Variants in IQGAP2 observed in about 807,000 individuals in gnomAD.
IQGAP2 encodes ras GTPase-activating-like protein IQGAP2.
IQGAP2 carries 173 observed loss-of-function variants against 201.3 expected under a neutral mutation model. That is an observed-to-expected ratio of 0.86 (90% confidence interval 0.76 to 0.98). The LOEUF (loss-of-function observed/expected upper bound fraction) is 0.98. Among genes scored for constraint, IQGAP2 ranks in the 50% least tolerant of loss-of-function variants. The probability of loss-of-function intolerance (pLI) is 0.00; values close to 1 mark genes in which losing one functional copy is unlikely to be tolerated. For missense variants in IQGAP2, 1,687 were observed against 1,864.8 expected, an observed-to-expected ratio of 0.90 and a Z score of 1.76; for synonymous variants, 675 against 673.9, an observed-to-expected ratio of 1.00 and a Z score of -0.03.
intron 1 of IQGAP2, among the ~76,000 whole-genome samples, chr5:76,440,980 G>A (rs1361608885): frequency 1.3e-5 from 2 of 150,144 alleles, no homozygotes; most frequent in African/African-American, 2.5e-5. Context: ...GCAGTGAGCC[G>A]AGTTCGTACC....
chr5:76,624,122 A>C (rs1750002272), intron 13 of IQGAP2, among the ~76,000 whole-genome samples: 2 of 152,140 alleles, frequency 1.3e-5, no homozygotes, highest in African/African-American at 4.8e-5. Context: ...AGATATTTTT[A>C]ATAGTGGTAA....
chr5:76,441,539 T>C, intron 1 of IQGAP2: 2 of 984,150 alleles, frequency 2.0e-6, no homozygotes, highest in Non-Finnish European at 2.4e-6. Context: ...ACAACTGTAA[T>C]AATGCTACTT....
intron 1 of IQGAP2, among the ~76,000 whole-genome samples, chr5:76,414,054 T>C (rs1014394729): frequency 2.6e-5 from 4 of 152,324 alleles, no homozygotes; most frequent in Admixed American, 2.0e-4. Flanking sequence ...ACTGGAATGT[T>C]GAAGCCATTA....
chr5:76,567,833 A>G (rs1173918223), intron 3 of IQGAP2, among the ~76,000 whole-genome samples: 1 of 152,196 alleles, frequency 6.6e-6, no homozygotes, highest in Non-Finnish European at 1.5e-5. Flanking sequence ...TTCCTCATCT[A>G]TGCAGTTTAA....
chr5:76,461,428 TTCTC>T (rs1754449882), intron 1 of IQGAP2, 138 bp from the exon 2 acceptor site: 1 of 526,082 alleles, frequency 1.9e-6, no homozygotes, highest in Non-Finnish European at 3.3e-6. Context: ...AAAGGCAAAT[TTCTC>T]TCTCTGCCTG....
At chr5:76,673,910 CT>C (rs750180828) in intron 25 of IQGAP2, 41 bp from the exon 26 acceptor site, 14 of 1,206,950 alleles carry the variant, frequency 1.2e-5, no homozygotes, top group Non-Finnish European at 1.7e-5. Context: ...CTCACTCCGC[CT>C]TTTTTCCATT....
intron 2 of IQGAP2, among the ~76,000 whole-genome samples, chr5:76,481,576 G>T (rs1317223558): frequency 1.3e-5 from 2 of 151,860 alleles, no homozygotes; most frequent in South Asian, 2.1e-4. Context: ...TAGAGACAGG[G>T]TTTCACCATT....
chr5:76,665,639 A>G lies in IQGAP2; in HGVS notation c.2679+464A>G, dbSNP rs562921105. ...CCAGTCTCCCCTTCTATGGGGGAAG[A>G]GCCAGAGGGTTTGGGATTTCAAAAT... On this transcript the variant is annotated intron_variant, in intron 22 of 35. Transcript: ENST00000274364. Among the ~76,000 whole-genome samples, 12 of 152,346 alleles carry G rather than the reference A, an allele frequency of 7.9e-5. No individual in the cohort carries two copies. In the South Asian group the frequency reaches 2.3e-3, roughly 29 times the overall value.
intron 5 of IQGAP2, among the ~76,000 whole-genome samples, chr5:76,584,804 A>G (rs149607343): frequency 9.5e-4 from 145 of 152,300 alleles, no homozygotes; most frequent in African/African-American, 3.3e-3. Context: ...CTCAAACACT[A>G]AGATGAGTCC....
At chr5:76,544,220 G>C (rs1742957935) in intron 2 of IQGAP2, among the ~76,000 whole-genome samples, 1 of 152,148 alleles carries the variant, frequency 6.6e-6, no homozygotes, top group South Asian at 2.1e-4. Context: ...TGACTTCTAA[G>C]ATAAGAACCT....
At position 76,417,903 on chromosome 5, in the gene IQGAP2, C is replaced by A. The variant is rs529492586; in HGVS notation, c.46+14312C>A. On this transcript the variant is annotated intron_variant, in intron 1 of 35. Coordinates refer to ENST00000274364, the MANE Select transcript of IQGAP2 (RefSeq NM_006633.5). ...GGCTGATATGTGCTTTTTTTTGAAA[C>A]GGTGTTTGAAATGAGATTTTCCTGG... Among the ~76,000 whole-genome samples the A allele has an allele frequency of 3.8e-3, 571 of 150,588 alleles. 2 individuals carry two copies. Among genetic ancestry groups the A allele is most frequent in the African/African-American group, 0.013 (551 of 41,130 alleles).
rs139511123 is a variant in IQGAP2, at chr5:76,564,898, A to G, written c.303+2346A>G. ...GTGGCCAGCTGTGGCGTGGGAGCCC[A>G]TCCTTGCTGAGCTAAAAGAAAAAAA... On this transcript the variant is annotated intron_variant, in intron 3 of 35. Transcript: ENST00000274364. Among the ~76,000 whole-genome samples the G allele has an allele frequency of 2.4e-4, 37 of 152,308 alleles. No individual in the cohort carries two copies. In the East Asian group the frequency reaches 5.6e-3, roughly 23 times the overall value.
chr5:76,666,208 AT>A (rs1561569143), intron 22 of IQGAP2, among the ~76,000 whole-genome samples: 1 of 152,256 alleles, frequency 6.6e-6, no homozygotes, highest in Non-Finnish European at 1.5e-5. Flanking sequence ...TGGCCACCAC[AT>A]GGCGGCACAG....
intron 30 of IQGAP2, among the ~76,000 whole-genome samples, chr5:76,688,924 A>G (rs185194397): frequency 4.1e-4 from 62 of 152,200 alleles, no homozygotes; most frequent in African/African-American, 1.4e-3. Context: ...AGAGATTCAA[A>G]CCCACATGAT....
chr5:76,630,088 G>T (rs943605760), intron 14 of IQGAP2, among the ~76,000 whole-genome samples: 3 of 152,086 alleles, frequency 2.0e-5, no homozygotes, highest in African/African-American at 7.2e-5. Context: ...TCTTTTCCTG[G>T]TTGGTTGTGA....
At chr5:76,490,987 CTT>C (rs767214200) in intron 2 of IQGAP2, among the ~76,000 whole-genome samples, 221 of 112,970 alleles carry the variant, frequency 2.0e-3, no homozygotes, top group African/African-American at 5.9e-3. Flanking sequence ...AGATTTTCAT[CTT>C]TTTTTTTTTT....
chr5:76,423,393 C>T (rs984218573), intron 1 of IQGAP2, among the ~76,000 whole-genome samples: 4 of 152,038 alleles, frequency 2.6e-5, no homozygotes, highest in Non-Finnish European at 5.9e-5. Flanking sequence ...CAGGCCTAGG[C>T]GGGTGGATCA....
chr5:76,618,346 A>C, intron 13 of IQGAP2: 3 of 1,614,248 alleles, frequency 1.9e-6, no homozygotes, highest in Non-Finnish European at 2.5e-6. Flanking sequence ...CTGGTCCTGA[A>C]GAAAAGCATC....
rs145129166 is a variant in IQGAP2 at position 76,455,321 on chromosome 5, C to T, written c.47-6249C>T. On this transcript the variant is annotated intron_variant, in intron 1 of 35. Transcript: ENST00000274364. ...AAAAAAATTTAGCCTGGCATGGTGGCGCATGCCTGTAGTCCCAGCTACTTG... is the reference window on the plus strand; with the variant it reads ...AAAAAAATTTAGCCTGGCATGGTGGTGCATGCCTGTAGTCCCAGCTACTTG... Among the ~76,000 whole-genome samples the T allele has an allele frequency of 1.0e-3, 152 of 151,892 alleles. 6 individuals are homozygous for T. In the East Asian group the frequency reaches 0.028, roughly 28 times the overall value.
Sources: allele counts gnomAD v4.1 joint callset (sites outside exome capture counted in the v4.1 genomes callset), GRCh38; gene constraint gnomAD v4.1.1; transcripts MANE v1.5; gene names NCBI Gene and HGNC (gene_info 2026-07-23, HGNC 2026-07-21).